Variants in CLYBL observed in about 807,000 individuals in gnomAD.
CLYBL encodes the protein citramalyl-CoA lyase.
In CLYBL, 31 loss-of-function variants were observed where a neutral mutation model predicts 38.9. The observed-to-expected ratio is 0.80, with a 90% CI of 0.60 to 1.08. The LOEUF is 1.08. Ranked by LOEUF, CLYBL falls within the 50% of genes least tolerant of loss-of-function variation. CLYBL has a pLI of 0.00. For missense variants in CLYBL, 434 were observed against 411.6 expected, an observed-to-expected ratio of 1.05 and a Z score of -0.47; for synonymous variants, 171 against 158.6, an observed-to-expected ratio of 1.08 and a Z score of -0.59.
In CLYBL at chr13:99,616,064, C is replaced by A. The variant is rs182947265; in HGVS notation, c.62+9307C>A. 1.2e-3 allele frequency among the ~76,000 whole-genome samples: 174 copies of A among 148,840 alleles called. 1 individual carries two copies. The highest frequency in any genetic ancestry group is 8.9e-3 in the Admixed American group (132 of 14,874). ...GTTTCACCATGTTGGTCAGGCTGGT[C>A]TTGAACTCCTGGCCTCGTGATCTGC... is the stretch of plus-strand genomic sequence containing the variant. On this transcript the variant is annotated intron_variant, in intron 1 of 8. Transcript: ENST00000339105.
rs550944534 is a variant in CLYBL, at chr13:99,840,158, C to G, written c.250-18703C>G. On this transcript the variant is annotated intron_variant, in intron 2 of 8. Coordinates refer to ENST00000339105, the MANE Select transcript of CLYBL (RefSeq NM_206808.5). ...GGTTATAGAGACAAGACTAACAACC[C>G]TGCGATGGTCAGAGACACCAGGAGA... 7.2e-5 allele frequency among the ~76,000 whole-genome samples: 11 copies of G among 151,902 alleles called. No homozygotes were observed. In the South Asian group the frequency reaches 1.5e-3, roughly 20 times the overall value.
chr13:99,732,455 C>T (rs1486392562), intron 1 of CLYBL, among the ~76,000 whole-genome samples: 4 of 152,138 alleles, frequency 2.6e-5, no homozygotes. Flanking sequence ...TAGCCACTTA[C>T]AGGTGTGAGC....
intron 7 of CLYBL, among the ~76,000 whole-genome samples, chr13:99,887,858 T>G (rs1250037784): frequency 4.3e-5 from 1 of 23,254 alleles, no homozygotes; most frequent in South Asian, 5.4e-4. Flanking sequence ...GGATTTGGGG[T>G]TTTTTTTTTT....
intron 2 of CLYBL, among the ~76,000 whole-genome samples, chr13:99,787,775 A>G (rs1183121238): frequency 1.3e-5 from 2 of 152,198 alleles, no homozygotes; most frequent in African/African-American, 4.8e-5. Flanking sequence ...CATTGAATCT[A>G]TAAATTACCT....
chr13:99,884,562 T>G (rs927596), intron 7 of CLYBL, among the ~76,000 whole-genome samples: 132,517 of 152,202 alleles, frequency 0.87, 58,162 homozygotes, highest in African/African-American at 0.97. Context: ...GTTCTAGTTC[T>G]TAAGTAATAG....
chr13:99,692,185 T>C (rs1428184615), intron 1 of CLYBL, among the ~76,000 whole-genome samples: 2 of 152,174 alleles, frequency 1.3e-5, no homozygotes, highest in South Asian at 2.1e-4. Flanking sequence ...CCCTGCCCCT[T>C]AGTCACAATT....
chr13:99,634,659 ACTTAT>A (rs1017184008), intron 1 of CLYBL, among the ~76,000 whole-genome samples: 2 of 139,558 alleles, frequency 1.4e-5, no homozygotes, highest in Admixed American at 7.2e-5. Context: ...TGGATGTATT[ACTTAT>A]TTTTTTAAAT....
intron 1 of CLYBL, among the ~76,000 whole-genome samples, chr13:99,609,928 C>T (rs2046600909): frequency 6.6e-6 from 1 of 150,754 alleles, no homozygotes; most frequent in Non-Finnish European, 1.5e-5. Context: ...CTTTCTTTCT[C>T]TTAGAGACGG....
chr13:99,643,956 G>A (rs1371812797), intron 1 of CLYBL, among the ~76,000 whole-genome samples: 1 of 137,574 alleles, frequency 7.3e-6, no homozygotes, highest in African/African-American at 2.8e-5. Context: ...AGTGAATCCA[G>A]ACTGCGCCAT....
intron 1 of CLYBL, among the ~76,000 whole-genome samples, chr13:99,633,042 C>A (rs1038451336): frequency 6.6e-6 from 1 of 151,754 alleles, no homozygotes; most frequent in East Asian, 1.9e-4. Context: ...GAATTCATGA[C>A]CAGACTGGCC....
At chr13:99,873,640 G>T (rs2051964570) in intron 7 of CLYBL, among the ~76,000 whole-genome samples, 1 of 151,224 alleles carries the variant, frequency 6.6e-6, no homozygotes, top group South Asian at 2.1e-4. Flanking sequence ...ATTATATCCT[G>T]CCCAAACATA....
At chr13:99,750,251 C>T (rs1324911404) in intron 1 of CLYBL, among the ~76,000 whole-genome samples, 1 of 152,150 alleles carries the variant, frequency 6.6e-6, no homozygotes, top group Non-Finnish European at 1.5e-5. Flanking sequence ...GAATCCATTA[C>T]GAATCTGTCA....
At chr13:99,676,220 CCTTCCTTCCTTCCTTCCTTT>C (rs1410440130) in intron 1 of CLYBL, among the ~76,000 whole-genome samples, 3 of 142,390 alleles carry the variant, frequency 2.1e-5, no homozygotes, top group African/African-American at 2.5e-5. Context: ...TTCCTTCCTT[CCTTCCTTCCTTCCTTCCTTT>C]CCTCCCTTTC....
chr13:99,701,695 G>T (rs2061880482), intron 1 of CLYBL, among the ~76,000 whole-genome samples: 1 of 152,008 alleles, frequency 6.6e-6, no homozygotes, highest in Non-Finnish European at 1.5e-5. Context: ...TTATTTTTGA[G>T]ACGAAGTCTC....
At chr13:99,845,488 G>A (rs1327086970) in intron 2 of CLYBL, among the ~76,000 whole-genome samples, 1 of 152,218 alleles carries the variant, frequency 6.6e-6, no homozygotes, top group Non-Finnish European at 1.5e-5. Context: ...ATGAAGCTGC[G>A]GAAAAAGTCA....
At chr13:99,664,388 C>T (rs2047450719) in intron 1 of CLYBL, among the ~76,000 whole-genome samples, 1 of 152,208 alleles carries the variant, frequency 6.6e-6, no homozygotes, top group Admixed American at 6.5e-5. Context: ...CAAAATGCTG[C>T]TTTAGAAATA....
chr13:99,656,531 T>TC (rs1444499370), intron 1 of CLYBL, among the ~76,000 whole-genome samples: 1 of 152,210 alleles, frequency 6.6e-6, no homozygotes, highest in Non-Finnish European at 1.5e-5. Context: ...CTTCAAAGCC[T>TC]CCCACCTTGT....
intron 1 of CLYBL, among the ~76,000 whole-genome samples, chr13:99,694,083 C>G (rs1047059455): frequency 6.6e-6 from 1 of 152,294 alleles, no homozygotes; most frequent in African/African-American, 2.4e-5. Flanking sequence ...TTATGGCTGG[C>G]GCAAACCTCC....
At chr13:99,678,022 G>T (rs2047679565) in intron 1 of CLYBL, among the ~76,000 whole-genome samples, 1 of 152,218 alleles carries the variant, frequency 6.6e-6, no homozygotes, top group East Asian at 1.9e-4. Flanking sequence ...GAAACCGTAT[G>T]AAATGTGGAA....
Sources: gnomAD v4.1 joint callset for allele counts (sites outside exome capture counted in the v4.1 genomes callset) on GRCh38, gnomAD v4.1.1 for gene constraint, MANE v1.5 for transcripts, NCBI Gene and HGNC (gene_info 2026-07-23, HGNC 2026-07-21) for gene names.